The following PDCD11 variants were observed in gnomAD, a reference collection of about 807,000 sequenced individuals.
PDCD11 encodes the protein protein RRP5 homolog.
A neutral mutation model predicts 198.9 loss-of-function variants in PDCD11; 97 were observed. The ratio of observed to expected loss-of-function variants is 0.49; its 90% CI spans 0.41 to 0.58. The LOEUF is 0.58. Ranked by LOEUF, PDCD11 falls within the 20% of genes least tolerant of loss-of-function variation. The pLI is 0.00. For missense variants in PDCD11, 2,102 were observed against 2,312.7 expected (o/e 0.91, Z 1.87); for synonymous variants, 893 against 918.0 (o/e 0.97, Z 0.49).
At chr10:103,407,800 C>T (rs1057093421) in intron 7 of PDCD11, among the ~76,000 whole-genome samples, 3 of 151,650 alleles carry the variant, frequency 2.0e-5, no homozygotes, top group Admixed American at 2.0e-4. Context: ...GTCACTGCAA[C>T]CTCTGCCTCC....
Position 103,417,667 on chromosome 10 carries a change from C to T in PDCD11, c.1771-125C>T, listed in dbSNP as rs182497447. Reference sequence around the variant, plus strand: ...TCAGTGCATTTCTTCTTTTCACTGCCTCCTGATCTGATCCAAAGGCTCGGT... The same window carrying T: ...TCAGTGCATTTCTTCTTTTCACTGCTTCCTGATCTGATCCAAAGGCTCGGT... On this transcript the variant is annotated intron_variant, in intron 13 of 35. Transcript: ENST00000369797. 3 of 992,046 alleles carry T rather than the reference C, an allele frequency of 3.0e-6. No individual in the cohort carries two copies. The African/African-American group carries it at 4.9e-5, about 16-fold the overall frequency. The allele number at this position is 992,046 out of a possible 1,614,324, so 61.5% of individuals were successfully genotyped here. A position where few individuals can be genotyped will look rare whatever the true frequency, so the allele number is the denominator to read the frequency against.
intron 22 of PDCD11, 146 bp from the exon 23 acceptor site, chr10:103,433,802 G>C: frequency 1.6e-6 from 1 of 643,924 alleles, no homozygotes; most frequent in Admixed American, 2.6e-5. Flanking sequence ...TGGAGGTTGG[G>C]CAAGGGCAGT....
At chr10:103,397,279 T>G (rs750478923) in intron 1 of PDCD11, among the ~76,000 whole-genome samples, 4 of 151,262 alleles carry the variant, frequency 2.6e-5, no homozygotes, top group Non-Finnish European at 5.9e-5. Flanking sequence ...TTCTACCGAA[T>G]TTACTTGCCT....
intron 9 of PDCD11, 112 bp from the exon 10 acceptor site, chr10:103,413,854 G>A (rs1564762055): frequency 9.8e-7 from 1 of 1,020,366 alleles, no homozygotes; most frequent in Non-Finnish European, 1.4e-6. Flanking sequence ...GGCAATCAAA[G>A]TACTGTTTTT....
At chr10:103,419,017 G>A (rs997745972) in intron 15 of PDCD11, among the ~76,000 whole-genome samples, 38 of 151,816 alleles carry the variant, frequency 2.5e-4, no homozygotes, top group Non-Finnish European at 1.0e-4. Context: ...TTCTCCCCGC[G>A]GGGCTATAGG....
intron 34 of PDCD11, 68 bp from the exon 35 acceptor site, chr10:103,444,449 G>C: frequency 6.8e-7 from 1 of 1,471,826 alleles, no homozygotes; most frequent in African/African-American, 1.4e-5. Context: ...CGCTGACCCT[G>C]CGGAACACTG....
intron 34 of PDCD11, 105 bp from the exon 35 acceptor site, chr10:103,444,412 G>T: frequency 8.7e-7 from 1 of 1,148,436 alleles, no homozygotes. Context: ...CTGAGTCTTG[G>T]GACCCAAGAG....
chr10:103,402,996 T>C, intron 3 of PDCD11, 122 bp from the exon 4 acceptor site: 2 of 903,994 alleles, frequency 2.2e-6, no homozygotes, highest in East Asian at 2.5e-5. Context: ...ATTGGAATTA[T>C]AGGGCGTAAG....
intron 21 of PDCD11, among the ~76,000 whole-genome samples, chr10:103,429,681 GGTATACA>G (rs1369344247): frequency 5.9e-5 from 9 of 151,934 alleles, no homozygotes; most frequent in Non-Finnish European, 1.2e-4. Context: ...ACAATTTTCA[GGTATACA>G]TTACCTGAAA....
At chr10:103,439,577 G>A (rs2032291453) in intron 27 of PDCD11, among the ~76,000 whole-genome samples, 169 bp from the exon 28 acceptor site, 1 of 152,194 alleles carries the variant, frequency 6.6e-6, no homozygotes, top group African/African-American at 2.4e-5. Flanking sequence ...TATGCTTGAT[G>A]ATGATTTCAA....
intron 28 of PDCD11, 115 bp from the exon 29 acceptor site, chr10:103,440,175 C>A: frequency 7.0e-7 from 1 of 1,438,240 alleles, no homozygotes; most frequent in Non-Finnish European, 9.4e-7. Flanking sequence ...ACTCCCAAGG[C>A]AGATGGGGGC....
In PDCD11 at chr10:103,416,489, A is replaced by G. The variant is rs569613407; in HGVS notation, c.1519-2A>G. 3 of 1,613,832 alleles carry G rather than the reference A, an allele frequency of 1.9e-6. No individual in the cohort carries two copies. The highest frequency in any genetic ancestry group is 2.2e-5 in the East Asian group (1 of 44,872). ...TGATGACAGCCTGTGTCCCTCCCCT[A>G]GGTTTTGCTTTGTGACCCTGAAGCC... On this transcript the variant is annotated splice_acceptor_variant, in intron 12 of 35. Coordinates refer to ENST00000369797, the MANE Select transcript of PDCD11 (RefSeq NM_014976.2). LOFTEE classifies it high-confidence loss of function.
At chr10:103,445,242 A>G in intron 35 of PDCD11, 136 bp from the exon 36 acceptor site, 1 of 751,828 alleles carries the variant, frequency 1.3e-6, no homozygotes, top group Non-Finnish European at 2.3e-6. Context: ...TGGATTAATA[A>G]AGATAATGGT....
chr10:103,429,608 A>AT (rs2031840703), intron 21 of PDCD11, among the ~76,000 whole-genome samples: 1 of 152,012 alleles, frequency 6.6e-6, no homozygotes, highest in East Asian at 1.9e-4. Context: ...CAGATGAGTA[A>AT]TTTTTTACAG....
intron 20 of PDCD11, 77 bp downstream of exon 20, chr10:103,425,602 T>G: frequency 7.6e-7 from 1 of 1,308,942 alleles, no homozygotes; most frequent in Non-Finnish European, 1.1e-6. Context: ...GTAGGTGGGC[T>G]CCAAAAAGTT....
Position 103,434,973 on chromosome 10 carries a change from C to A in PDCD11, c.3843C>A (p.Val1281=). The change falls in exon 25 of 36, where the codon GTC becomes GTA. Residue 1281 remains valine (V), a splice_region_variant and synonymous_variant. Transcript: ENST00000369797. The part of the protein sequence containing the change: ...PLEDFVPQKV[V]RCYILSTADN... ...AAGACTTCGTCCCCCAGAAGGTTGT[C>A]AGGTAAGCGAAGTGTTCTTCCTCTT... 1 of 1,545,684 alleles carries A rather than the reference C, an allele frequency of 6.5e-7. No individual in the cohort carries two copies. The highest frequency in any genetic ancestry group is 1.2e-5 in the South Asian group (1 of 81,080).
chr10:103,404,595 G>A (rs1005085772), intron 4 of PDCD11, among the ~76,000 whole-genome samples: 9 of 152,166 alleles, frequency 5.9e-5, no homozygotes, highest in Admixed American at 1.3e-4. Context: ...CACCACACCC[G>A]ACCCTCAAGT....
In PDCD11 at chr10:103,406,027, C is replaced by A. The variant is rs369557766; in HGVS notation, c.607C>A (p.Leu203Ile). The stretch of plus-strand genomic sequence containing the variant: ...ATCCAGCCTGGAAGACCATGGCTAC[C>A]TAGTGGACATTGGTGTTGATGGGAC... Reference protein sequence around the residue: ...TVSSLEDHGYLVDIGVDGTRA... With the variant: ...TVSSLEDHGYIVDIGVDGTRA... The change falls in exon 6 of 36, where the codon CTA (leucine) becomes ATA (isoleucine). Residue 203 changes from leucine (L) to isoleucine (I), a missense_variant. By Grantham distance (5) the Leu-to-Ile change is conservative. Coordinates refer to ENST00000369797, the MANE Select transcript of PDCD11 (RefSeq NM_014976.2). 1 of 1,614,072 alleles carries A rather than the reference C, an allele frequency of 6.2e-7. No individual in the cohort carries two copies. Among genetic ancestry groups the A allele is most frequent in the Admixed American group, 1.7e-5 (1 of 60,018 alleles).
chr10:103,429,306 C>T (rs2031826346), intron 21 of PDCD11, among the ~76,000 whole-genome samples: 2 of 152,214 alleles, frequency 1.3e-5, no homozygotes, highest in Non-Finnish European at 2.9e-5. Flanking sequence ...CCATTCAGTA[C>T]TGCCAACCCT....
Sources: gnomAD v4.1 joint callset for allele counts (sites outside exome capture counted in the v4.1 genomes callset) on GRCh38, gnomAD v4.1.1 for gene constraint, MANE v1.5 for transcripts, NCBI Gene and HGNC (gene_info 2026-07-23, HGNC 2026-07-21) for gene names.